Variants in CUZD1 observed in about 807,000 individuals in gnomAD.
CUZD1 encodes CUB and zona pellucida like domains 1.
In CUZD1, 42 loss-of-function variants were observed where a neutral mutation model predicts 53.1. The ratio of observed to expected loss-of-function variants is 0.79; its 90% CI spans 0.62 to 1.02. The LOEUF is 1.02. Among genes scored for constraint, CUZD1 ranks in the 50% least tolerant of loss-of-function variants. The probability of loss-of-function intolerance (pLI) is 0.00; values close to 1 mark genes in which losing one functional copy is unlikely to be tolerated. For synonymous variants in CUZD1, 238 were observed against 257.2 expected, an observed-to-expected ratio of 0.93 and a Z score of 0.71; for missense variants, 670 against 715.7, an observed-to-expected ratio of 0.94 and a Z score of 0.73.
chr10:122,839,016 C>T lies in CUZD1; in HGVS notation c.448+1G>A, dbSNP rs758273368. ...TGAAGGTTGTGTAAATGAGGACTTA[C>T]AGATGTTAGGAGAGAAGAAGTAGTA... On this transcript the variant is annotated splice_donor_variant, in intron 3 of 8. Coordinates refer to ENST00000392790, the MANE Select transcript of CUZD1 (RefSeq NM_022034.6). LOFTEE classifies it high-confidence loss of function. 1.2e-6 allele frequency: 2 copies of T among 1,610,996 alleles called. No homozygotes were observed. Among genetic ancestry groups the T allele is most frequent in the Non-Finnish European group, 1.7e-6 (2 of 1,177,216 alleles).
At chr10:122,844,814 G>T (rs1847410592) in intron 1 of CUZD1, among the ~76,000 whole-genome samples, 1 of 151,844 alleles carries the variant, frequency 6.6e-6, no homozygotes, top group Non-Finnish European at 1.5e-5. Flanking sequence ...TTGACTAATG[G>T]TCAAAAACCC....
At chr10:122,841,769 A>T (rs1847348988) in intron 1 of CUZD1, among the ~76,000 whole-genome samples, 1 of 152,218 alleles carries the variant, frequency 6.6e-6, no homozygotes, top group Non-Finnish European at 1.5e-5. Flanking sequence ...ATTCTTGTCA[A>T]CACACACTAT....
chr10:122,844,620 C>A (rs1311512115), intron 1 of CUZD1, among the ~76,000 whole-genome samples: 2 of 152,126 alleles, frequency 1.3e-5, no homozygotes, highest in Admixed American at 1.3e-4. Context: ...GTAATCCCAG[C>A]ACTTTGGGAG....
chr10:122,833,781 T>C lies in CUZD1; in HGVS notation c.1542A>G (p.Gln514=). The change falls in exon 8 of 9, where the codon CAA becomes CAG. Residue 514 remains glutamine (Q), a synonymous_variant. Coordinates refer to ENST00000392790, the MANE Select transcript of CUZD1 (RefSeq NM_022034.6). ...DSSDHQSRCN[Q]GCVSRSKRDI... is the part of the protein sequence containing the mutation. ...CTCGTTTGCTTCTGGAGACACAACC[T>C]TGATTGCAGCGAGACTGGTGGTCAC... 1.2e-6 allele frequency: 2 copies of C among 1,614,084 alleles called. No homozygotes were observed. The highest frequency in any genetic ancestry group is 1.7e-6 in the Non-Finnish European group (2 of 1,179,986).
intron 8 of CUZD1, 89 bp from the exon 9 acceptor site, chr10:122,832,539 T>A: frequency 9.5e-7 from 1 of 1,051,452 alleles, no homozygotes; most frequent in Non-Finnish European, 1.4e-6. Context: ...GTACATATCC[T>A]ATGAATCTTA....
In CUZD1 at chr10:122,835,038, A is replaced by C. The variant is rs181092884; in HGVS notation, c.1050T>G (p.Ser350=). 29 of 1,611,400 alleles carry C rather than the reference A, an allele frequency of 1.8e-5. No individual in the cohort carries two copies. In the Admixed American group the frequency reaches 1.8e-4, roughly 10 times the overall value. Residue 350 remains serine (S), a synonymous_variant, in exon 7 of 9, where the codon TCT becomes TCG. Transcript: ENST00000392790. Reference sequence around the variant, plus strand: ...GTTGTTTCTGACGGGTGATCACTTCAGAAGTTGAGGATGCAGAAAAGGTGA... The same window carrying C: ...GTTGTTTCTGACGGGTGATCACTTCCGAAGTTGAGGATGCAGAAAAGGTGA... The part of the protein sequence containing the change: ...NIITFSASST[S]EVITRQKQLQ...
At position 122,832,313 on chromosome 10, in the gene CUZD1, C is replaced by T. The variant is rs777382719; in HGVS notation, c.1789G>A (p.Ala597Thr). Reference protein sequence around the residue: ...ITVRHFVNQRADYKYQKLQNY With the variant: ...ITVRHFVNQRTDYKYQKLQNY ...TGCAGCTTCTGGTATTTGTAGTCTG[C>T]CCGTTGATTTACAAAATGCCTCACT... Residue 597 changes from alanine to threonine, a missense_variant, in exon 9 of 9, where the codon GCA becomes ACA. By Grantham distance (58) the Ala-to-Thr change is moderately conservative. Transcript: ENST00000392790. 5 of 1,613,914 alleles carry T rather than the reference C, an allele frequency of 3.1e-6. No individual in the cohort carries two copies. In the East Asian group the frequency reaches 1.1e-4, roughly 36 times the overall value.
intron 3 of CUZD1, chr10:122,837,985 T>C (rs1847279645): frequency 6.4e-6 from 1 of 155,756 alleles, no homozygotes; most frequent in Admixed American, 6.3e-5. Flanking sequence ...CCAGCAGAGG[T>C]GAGTCCTCTT....
Position 122,836,192 on chromosome 10 carries a change from C to T in CUZD1, c.976G>A (p.Gly326Ser). 1 of 1,602,686 alleles carries T rather than the reference C, an allele frequency of 6.2e-7. No individual in the cohort carries two copies. ...TTTCACTTTACCTTTCTGATTGTAC[C>T]ACATCCATTAAGAGGGACAGAAAAT... ...VEFSVPLNGC[G>S]TIRKVEDQSI... The change falls in exon 6 of 9, where the codon GGT becomes AGT. Residue 326 changes from glycine (G) to serine (S), a missense_variant. By Grantham distance (56) the Gly-to-Ser change is moderately conservative. Transcript: ENST00000392790.
At chr10:122,837,625 A>C in intron 3 of CUZD1, 71 bp from the exon 4 acceptor site, 6 of 1,400,460 alleles carry the variant, frequency 4.3e-6, no homozygotes, top group Non-Finnish European at 5.8e-6. Flanking sequence ...TGTGTTGTGC[A>C]TTGAGCTTAA....
chr10:122,839,047 CAA>C lies in CUZD1; in HGVS notation c.416_417del (p.Phe139CysfsTer9). 1 of 1,614,048 alleles carries C rather than the reference CAA, an allele frequency of 6.2e-7. No individual in the cohort carries two copies. The highest frequency in any genetic ancestry group is 2.2e-5 in the East Asian group (1 of 44,874). ...TDSARIQRTVFVFYYFFSPNI... is the reference protein window; with the variant it reads ...TDSARIQRTVXVFYYFFSPNI... ...TTAGGAGAGAAGAAGTAGTAGAAGACAAAGACAGTTCTTTGAATTCTTGCTGA... is the reference window on the plus strand; with the variant it reads ...TTAGGAGAGAAGAAGTAGTAGAAGACAGACAGTTCTTTGAATTCTTGCTGA... On this transcript the variant is annotated frameshift_variant, in exon 3 of 9. Transcript: ENST00000392790. LOFTEE classifies it high-confidence loss of function.
In CUZD1 at chr10:122,839,832, G is replaced by C. The variant is rs547284623; in HGVS notation, c.234-601C>G. Reference sequence around the variant, plus strand: ...GGACATATGTCCAAAATTATAGGAAGTAAGACAAGGGTAGAGAAATCTGGG... The same window carrying C: ...GGACATATGTCCAAAATTATAGGAACTAAGACAAGGGTAGAGAAATCTGGG... On this transcript the variant is annotated intron_variant, in intron 2 of 8. Transcript: ENST00000392790. Among the ~76,000 whole-genome samples the C allele has an allele frequency of 6.8e-4, 104 of 152,302 alleles. 2 individuals are homozygous for C. The South Asian group carries it at 0.021, about 31-fold the overall frequency.
In CUZD1 at chr10:122,841,192, G is replaced by T. The variant is rs754492546; in HGVS notation, c.219C>A (p.Ile73=). 6.2e-7 allele frequency: 1 copy of T among 1,613,350 alleles called. No homozygotes were observed. The highest frequency in any genetic ancestry group is 1.1e-5 in the South Asian group (1 of 90,972). ...ERPENKSIRI[I]FSYVQLDPDG... ...CTTCTACTTACTGGACATAGGAAAA[G>T]ATAATTCTGATGCTTTTGTTTTCTG... Residue 73 remains isoleucine, a synonymous_variant, in exon 2 of 9, where the codon ATC becomes ATA. Transcript: ENST00000392790.
chr10:122,833,685 T>C lies in CUZD1; in HGVS notation c.1638A>G (p.Ala546=), dbSNP rs969857884. 6.2e-7 allele frequency: 1 copy of C among 1,613,220 alleles called. No individual in the cohort carries two copies. Among genetic ancestry groups the C allele is most frequent in the Non-Finnish European group, 8.5e-7 (1 of 1,179,414 alleles). ...GPIRLKRDRS[A]SGNSGFQHET... ...CTTTTTTCTTACCTGAATTGCCACT[T>C]GCACTTCGATCCCTTTTCAGACGAA... Residue 546 remains alanine (A), a synonymous_variant, in exon 8 of 9, where the codon GCA becomes GCG. Transcript: ENST00000392790.
chr10:122,841,230 T>A lies in CUZD1; in HGVS notation c.181A>T (p.Thr61Ser). 6.2e-7 allele frequency: 1 copy of A among 1,614,072 alleles called. No individual in the cohort carries two copies. The highest frequency in any genetic ancestry group is 1.1e-5 in the South Asian group (1 of 91,064). The change falls in exon 2 of 9, where the codon ACA (threonine) becomes TCA (serine). Residue 61 changes from threonine (T) to serine (S), a missense_variant. Thr to Ser is a moderately conservative substitution (Grantham distance 58). Transcript: ENST00000392790. ...CTTTTGTTTTCTGGTCTTTCTATTG[T>A]CCAGGTGCAGTTCTCACTGGGATTG... ...QLNPSENCTWTIERPENKSIR... is the reference protein window; with the variant it reads ...QLNPSENCTWSIERPENKSIR...
intron 3 of CUZD1, among the ~76,000 whole-genome samples, chr10:122,838,321 T>C (rs1407071764): frequency 6.6e-6 from 1 of 151,994 alleles, no homozygotes; most frequent in Non-Finnish European, 1.5e-5. Flanking sequence ...AGCAGGAGAG[T>C]GACATGGTCA....
At position 122,839,222 on chromosome 10, in the gene CUZD1, T is replaced by C. The variant is rs138976047; in HGVS notation, c.243A>G (p.Pro81=). Residue 81 remains proline, a synonymous_variant, in exon 3 of 9, where the codon CCA becomes CCG. Coordinates refer to ENST00000392790, the MANE Select transcript of CUZD1 (RefSeq NM_022034.6). ...TGTTTTCACTTTCACAGCTTCCATCTGGATCAAGCCTGTGGAAAAAACACA... is the reference window on the plus strand; with the variant it reads ...TGTTTTCACTTTCACAGCTTCCATCCGGATCAAGCCTGTGGAAAAAACACA... ...RIIFSYVQLD[P]DGSCESENIK... 15 of 1,613,800 alleles carry C rather than the reference T, an allele frequency of 9.3e-6. No individual in the cohort carries two copies. Among genetic ancestry groups the C allele is most frequent in the Non-Finnish European group, 1.3e-5 (15 of 1,179,824 alleles).
intron 1 of CUZD1, among the ~76,000 whole-genome samples, chr10:122,844,033 T>G (rs184924400): frequency 0.01 from 1,532 of 148,594 alleles, 14 homozygotes; most frequent in East Asian, 0.029. Flanking sequence ...TATATATATA[T>G]ATAGAGAGAG....
intron 4 of CUZD1, 82 bp downstream of exon 4, chr10:122,837,319 TATG>T: frequency 1.4e-6 from 2 of 1,389,168 alleles, no homozygotes; most frequent in Admixed American, 1.8e-5. Flanking sequence ...GAGAATTACG[TATG>T]ATAATTTCTC....
Sources: gnomAD v4.1 joint callset for allele counts (sites outside exome capture counted in the v4.1 genomes callset) on GRCh38, gnomAD v4.1.1 for gene constraint, MANE v1.5 for transcripts, NCBI Gene and HGNC (gene_info 2026-07-23, HGNC 2026-07-21) for gene names.